PRPSAP2: variants seen among roughly 807,000 people sequenced by gnomAD.
PRPSAP2 encodes phosphoribosyl pyrophosphate synthase-associated protein 2.
Under a neutral mutation model 40.6 loss-of-function variants are expected in PRPSAP2, and 24 were observed. That is an observed-to-expected ratio of 0.59 (90% CI 0.43 to 0.83). PRPSAP2 has a LOEUF of 0.83. Among genes scored for constraint, PRPSAP2 ranks in the 40% least tolerant of loss-of-function variants. The pLI is 0.00. For missense variants in PRPSAP2, 292 were observed against 465.6 expected, an observed-to-expected ratio of 0.63 and a Z score of 3.43; for synonymous variants, 149 against 164.7, an observed-to-expected ratio of 0.90 and a Z score of 0.73.
At chr17:18,859,169 A>T (rs571719048) in intron 1 of PRPSAP2, among the ~76,000 whole-genome samples, 1 of 152,230 alleles carries the variant, frequency 6.6e-6, no homozygotes, top group South Asian at 2.1e-4. Flanking sequence ...CACTGAGCAT[A>T]TAGCTTTTTC....
intron 10 of PRPSAP2, among the ~76,000 whole-genome samples, chr17:18,924,319 C>T (rs1243383044): frequency 2.0e-5 from 3 of 152,128 alleles, no homozygotes; most frequent in African/African-American, 7.2e-5. Context: ...GGATTACAGG[C>T]GTGAGCCACT....
chr17:18,866,767 AAAAC>A (rs2037463164), intron 3 of PRPSAP2, among the ~76,000 whole-genome samples: 1 of 152,196 alleles, frequency 6.6e-6, no homozygotes, highest in South Asian at 2.1e-4. Flanking sequence ...TCAAGTCAAC[AAAAC>A]AAACAAGGTA....
chr17:18,909,141 A>G (rs985046381), intron 8 of PRPSAP2, among the ~76,000 whole-genome samples: 2 of 151,790 alleles, frequency 1.3e-5, no homozygotes, highest in African/African-American at 4.8e-5. Context: ...CAAATTACCT[A>G]CCGTACCAAG....
At chr17:18,918,923 A>G (rs2041526882) in intron 9 of PRPSAP2, among the ~76,000 whole-genome samples, 1 of 152,202 alleles carries the variant, frequency 6.6e-6, no homozygotes, top group Non-Finnish European at 1.5e-5. Flanking sequence ...ATTAAAATTA[A>G]TTTTACCTTT....
Position 18,911,326 on chromosome 17 carries a change from T to C in PRPSAP2, c.733+75T>C, listed in dbSNP as rs2040946482. 3.0e-6 allele frequency: 4 copies of C among 1,348,604 alleles called. No homozygotes were observed. The highest frequency in any genetic ancestry group is 3.8e-6 in the Non-Finnish European group (4 of 1,043,808). The allele number at this position is 1,348,604 out of a possible 1,614,324, so 83.5% of individuals were successfully genotyped here. On this transcript the variant is annotated intron_variant, in intron 9 of 11. Coordinates refer to ENST00000268835, the MANE Select transcript of PRPSAP2 (RefSeq NM_002767.4). The surrounding 1 kb of genome is among the most constrained non-coding windows in gnomAD (Gnocchi z 4.5). ...CTACACTGTTGTCTGTGTGGTTTTT[T>C]TCCTCATTCTTCGTTTTTTTTTAGT...
At chr17:18,924,125 T>TGA in intron 10 of PRPSAP2, 141 bp downstream of exon 10, 1 of 693,496 alleles carries the variant, frequency 1.4e-6, no homozygotes. Context: ...CTGCAACTTC[T>TGA]GCCTCCCAGG....
At chr17:18,891,607 A>C (rs4924774) in intron 8 of PRPSAP2, among the ~76,000 whole-genome samples, 80,322 of 152,116 alleles carry the variant, frequency 0.53, 21,468 homozygotes, top group Middle Eastern at 0.6. Flanking sequence ...AATATACAAT[A>C]ATTTTAAAGT....
chr17:18,886,992 AG>A (rs2039210748), intron 7 of PRPSAP2, among the ~76,000 whole-genome samples: 1 of 121,708 alleles, frequency 8.2e-6, no homozygotes, highest in Non-Finnish European at 1.6e-5. Context: ...GCTGGAGTGC[AG>A]TGGCGCAATC....
At chr17:18,877,388 T>A (rs888984565) in intron 5 of PRPSAP2, among the ~76,000 whole-genome samples, 2 of 151,864 alleles carry the variant, frequency 1.3e-5, no homozygotes, top group African/African-American at 4.8e-5. Flanking sequence ...AGGGATTAAT[T>A]TTAGGGCCAC....
intron 8 of PRPSAP2, among the ~76,000 whole-genome samples, chr17:18,897,845 C>T (rs1319368595): frequency 6.6e-6 from 1 of 151,974 alleles, no homozygotes; most frequent in African/African-American, 2.4e-5. Flanking sequence ...AAACATATTA[C>T]AATATACTGA....
At chr17:18,872,550 C>T in intron 4 of PRPSAP2, 33 bp from the exon 5 acceptor site, 4 of 1,506,688 alleles carry the variant, frequency 2.7e-6, no homozygotes, top group Non-Finnish European at 3.7e-6. Context: ...AACTATATGC[C>T]TTTCCCTCTC....
rs1369114500 is a variant in PRPSAP2 at position 18,924,378 on chromosome 17, ATAGTAG to A, written c.804+397_804+402del. Among the ~76,000 whole-genome samples the A allele has an allele frequency of 1.3e-5, 2 of 152,216 alleles. 1 individual carries two copies. The highest frequency in any genetic ancestry group is 2.9e-5 in the Non-Finnish European group (2 of 68,034). On this transcript the variant is annotated intron_variant, in intron 10 of 11. Coordinates refer to ENST00000268835, the MANE Select transcript of PRPSAP2 (RefSeq NM_002767.4). ...ATTCTGGGCATATAAAGGCCTAAGG[ATAGTAG>A]TATGGCCAGATAATTCTTATTAAAT...
chr17:18,905,633 G>T (rs1198800369), intron 8 of PRPSAP2, among the ~76,000 whole-genome samples: 1 of 151,594 alleles, frequency 6.6e-6, no homozygotes, highest in East Asian at 1.9e-4. Flanking sequence ...AGGCTAGAGT[G>T]CAATGGTGCG....
chr17:18,913,541 CTTTT>C (rs35697920), intron 9 of PRPSAP2, among the ~76,000 whole-genome samples: 1 of 73,950 alleles, frequency 1.4e-5, no homozygotes, highest in Admixed American at 1.8e-4. Flanking sequence ...GCGTCTGGTT[CTTTT>C]TTTTTTTTTT....
At chr17:18,897,758 C>T (rs374015199) in intron 8 of PRPSAP2, among the ~76,000 whole-genome samples, 7 of 152,200 alleles carry the variant, frequency 4.6e-5, no homozygotes, top group South Asian at 2.1e-4. Context: ...CCACCACGCC[C>T]GGCCCTCTAT....
Position 18,864,274 on chromosome 17 carries a change from A to G in PRPSAP2, c.-128-1195A>G, listed in dbSNP as rs1358929093. ...ACCTGGGATCGAGGCTGGTGACTTT[A>G]TCCTTAACTATCATGTTTCAGGTTT... On this transcript the variant is annotated intron_variant, in intron 1 of 11. Coordinates refer to ENST00000268835, the MANE Select transcript of PRPSAP2 (RefSeq NM_002767.4). 2.6e-5 allele frequency among the ~76,000 whole-genome samples: 4 copies of G among 151,424 alleles called. No individual in the cohort carries two copies. The East Asian group carries it at 7.8e-4, about 29-fold the overall frequency.
At chr17:18,881,013 T>C (rs960982003) in intron 6 of PRPSAP2, among the ~76,000 whole-genome samples, 1 of 151,552 alleles carries the variant, frequency 6.6e-6, no homozygotes, top group African/African-American at 2.4e-5. Flanking sequence ...TTTGTATTTT[T>C]AGTAGAGACG....
chr17:18,910,652 T>C (rs1392341672), intron 8 of PRPSAP2, among the ~76,000 whole-genome samples: 1 of 152,196 alleles, frequency 6.6e-6, no homozygotes, highest in Non-Finnish European at 1.5e-5. Flanking sequence ...AATTATATAC[T>C]TTAGATATGC....
At chr17:18,859,327 T>C (rs1466282049) in intron 1 of PRPSAP2, 1 of 152,252 alleles carries the variant, frequency 6.6e-6, no homozygotes, top group Non-Finnish European at 1.5e-5. Flanking sequence ...CCTATTTTGC[T>C]CTCTGTATGC....
Sources: gnomAD v4.1 joint callset for allele counts (sites outside exome capture counted in the v4.1 genomes callset) on GRCh38, gnomAD v4.1.1 for gene constraint, Gnocchi (gnomAD v3.1) non-coding constraint, MANE v1.5 for transcripts, NCBI Gene and HGNC (gene_info 2026-07-23, HGNC 2026-07-21) for gene names.